Variants in UBR4 observed in about 807,000 individuals in gnomAD.
UBR4 encodes the protein E3 ubiquitin-protein ligase UBR4.
In UBR4, 124 loss-of-function variants were observed where a neutral mutation model predicts 575.6. The ratio of observed to expected loss-of-function variants is 0.22; its 90% CI spans 0.19 to 0.25. UBR4 has a LOEUF of 0.25. Among genes scored for constraint, UBR4 ranks in the 10% least tolerant of loss-of-function variants. The pLI is 1.00. For synonymous variants in UBR4, 2,455 were observed against 2,473.7 expected (o/e 0.99, Z 0.22); for missense variants, 4,818 against 6,478.8 (o/e 0.74, Z 8.80).
intron 36 of UBR4, 32 bp from the exon 37 acceptor site, chr1:19,161,768 A>G: frequency 6.2e-7 from 1 of 1,613,172 alleles, no homozygotes; most frequent in East Asian, 2.2e-5. Context: ...AAATAAGCTC[A>G]GAAGTCCCAA....
chr1:19,117,099 G>C lies in UBR4; in HGVS notation c.10823+122C>G, dbSNP rs931788028. On this transcript the variant is annotated intron_variant, in intron 73 of 105. Coordinates refer to ENST00000375254, the MANE Select transcript of UBR4 (RefSeq NM_020765.3). This position sits in a 1 kb window ranked among gnomAD's most constrained non-coding sequence, Gnocchi z 4.0. ...TTGTCCTTTGGTCATGAATGGAGGG[G>C]CCAAGAGGATGTATTAGGCCTCTAG... 23 of 1,044,486 alleles carry C rather than the reference G, an allele frequency of 2.2e-5. No individual in the cohort carries two copies. The highest frequency in any genetic ancestry group is 1.9e-4 in the African/African-American group (12 of 62,766). The allele number at this position is 1,044,486 out of a possible 1,614,324, so 64.7% of individuals were successfully genotyped here.
chr1:19,153,356 G>A lies in UBR4; in HGVS notation c.6777C>T (p.Pro2259=). The change falls in exon 46 of 106, where the codon CCC becomes CCT. Residue 2259 remains proline, a synonymous_variant. Coordinates refer to ENST00000375254, the MANE Select transcript of UBR4 (RefSeq NM_020765.3). The surrounding 1 kb of genome is among the most constrained non-coding windows in gnomAD (Gnocchi z 4.1). ...TSYWLQPSLQ[P]SSVISIMKPV... is the part of the protein sequence containing the mutation. ...GCTTCATGATGCTGATGACACTGCT[G>A]GGCTGCAGGGATGGCTGCAGCCAGT... is the stretch of plus-strand genomic sequence containing the variant. 6.2e-7 allele frequency: 1 copy of A among 1,614,182 alleles called. No individual in the cohort carries two copies. The highest frequency in any genetic ancestry group is 8.5e-7 in the Non-Finnish European group (1 of 1,180,022).
chr1:19,138,978 C>G, intron 59 of UBR4, 105 bp downstream of exon 59: 1 of 1,402,176 alleles, frequency 7.1e-7, no homozygotes, highest in South Asian at 1.6e-5. Flanking sequence ...CAATGAGTCT[C>G]TATACCTTTT....
rs2077865257 is a variant in UBR4, at chr1:19,094,779, A to T, written c.13746+127T>A. 7 of 1,321,400 alleles carry T rather than the reference A, an allele frequency of 5.3e-6. No homozygotes were observed. In the Admixed American group the frequency reaches 1.2e-4, roughly 22 times the overall value. The allele number at this position is 1,321,400 out of a possible 1,614,324, so 81.9% of individuals were successfully genotyped here. On this transcript the variant is annotated intron_variant, in intron 94 of 105. Coordinates refer to ENST00000375254, the MANE Select transcript of UBR4 (RefSeq NM_020765.3). ...ATGTCATCATTAGTTGAGTCCTAACATTCCAATGCTTAAGCAGGCTCCGCC... is the reference window on the plus strand; with the variant it reads ...ATGTCATCATTAGTTGAGTCCTAACTTTCCAATGCTTAAGCAGGCTCCGCC...
rs1377500173 is a variant in UBR4 at position 19,110,320 on chromosome 1, G to C, written c.11977+60C>G. 3 of 1,613,078 alleles carry C rather than the reference G, an allele frequency of 1.9e-6. No homozygotes were observed. In the Admixed American group the frequency reaches 5.0e-5, roughly 27 times the overall value. On this transcript the variant is annotated intron_variant, in intron 80 of 105. Transcript: ENST00000375254. This position sits in a 1 kb window ranked among gnomAD's most constrained non-coding sequence, Gnocchi z 4.5. ...CATCAGTTTCCCTCCTCCCCTCCCA[G>C]TCCGGCCAGGACTGCTCCTTTGAGC... is the stretch of plus-strand genomic sequence containing the variant.
intron 44 of UBR4, among the ~76,000 whole-genome samples, chr1:19,154,298 G>T (rs763529680): frequency 6.6e-5 from 10 of 152,128 alleles, no homozygotes; most frequent in Admixed American, 6.5e-5. Flanking sequence ...AGTGTGAACT[G>T]GTATCCATTT....
At chr1:19,163,615 A>T in intron 34 of UBR4, 149 bp downstream of exon 34, 1 of 909,720 alleles carries the variant, frequency 1.1e-6, no homozygotes, top group Non-Finnish European at 1.8e-6. Context: ...GTTAGCAACT[A>T]CATATTTCCA....
rs796277380 is a variant in UBR4, at chr1:19,131,261, A to T, written c.8907-2187T>A. Among the ~76,000 whole-genome samples, 831 of 150,692 alleles carry T rather than the reference A, an allele frequency of 5.5e-3. 16 individuals are homozygous for T. The highest frequency in any genetic ancestry group is 0.016 in the African/African-American group (666 of 41,286). Reference sequence around the variant, plus strand: ...TGAAACTTAAAAAAAAAAAAAAAAAAAAAAAAAATAAACACAGCACCAAAA... The same window carrying T: ...TGAAACTTAAAAAAAAAAAAAAAAATAAAAAAAATAAACACAGCACCAAAA... On this transcript the variant is annotated intron_variant, in intron 60 of 105. Transcript: ENST00000375254.
Position 19,088,866 on chromosome 1 carries a change from G to C in UBR4, c.14323C>G (p.Pro4775Ala), listed in dbSNP as rs2077258289. ...GCGTCAATCTTCTTGTTTACGTCAG[G>C]GTGTTCCCGCAGGGCTTCCAGCAGG... is the stretch of plus-strand genomic sequence containing the variant. ...ENLLEALREH[P>A]DVNKKIDAAR... is the part of the protein sequence containing the mutation. Residue 4775 changes from proline (P) to alanine (A), a missense_variant, in exon 98 of 106, where the codon CCT (proline) becomes GCT (alanine). This residue lies in a region of UBR4 where 196 missense variants were observed against 386.8 expected (regional missense o/e 0.51). Coordinates refer to ENST00000375254, the MANE Select transcript of UBR4 (RefSeq NM_020765.3). The surrounding 1 kb of genome is among the most constrained non-coding windows in gnomAD (Gnocchi z 4.0). 1 of 1,614,020 alleles carries C rather than the reference G, an allele frequency of 6.2e-7. No homozygotes were observed. Among genetic ancestry groups the C allele is most frequent in the Non-Finnish European group, 8.5e-7 (1 of 1,180,024 alleles).
intron 60 of UBR4, among the ~76,000 whole-genome samples, chr1:19,131,227 C>T (rs1452564205): frequency 8.0e-6 from 1 of 124,478 alleles, no homozygotes; most frequent in Non-Finnish European, 1.6e-5. Context: ...AACTCTTACA[C>T]AGTACTCTTG....
Position 19,169,495 on chromosome 1 carries a change from C to T in UBR4, c.3681G>A (p.Gln1227=). The T allele has an allele frequency of 6.2e-7, 1 of 1,613,990 alleles. No homozygotes were observed. Among genetic ancestry groups the T allele is most frequent in the Non-Finnish European group, 8.5e-7 (1 of 1,179,978 alleles). ...TGTTGTTCCAGGACTCACACACAGT[C>T]TGCACTGACGATGGCAAATTCTGAA... ...TLVQNLPSSV[Q]TVCESWNNIN... Residue 1227 remains glutamine (Q), a synonymous_variant, in exon 27 of 106, where the codon CAG becomes CAA. Transcript: ENST00000375254.
rs2077864927 is a variant in UBR4, at chr1:19,094,778, C to A, written c.13746+128G>T. 7 of 1,307,340 alleles carry A rather than the reference C, an allele frequency of 5.4e-6. No individual in the cohort carries two copies. The Admixed American group carries it at 1.2e-4, about 22-fold the overall frequency. The allele number at this position is 1,307,340 out of a possible 1,614,324, so 81.0% of individuals were successfully genotyped here. ...TATGTCATCATTAGTTGAGTCCTAA[C>A]ATTCCAATGCTTAAGCAGGCTCCGC... On this transcript the variant is annotated intron_variant, in intron 94 of 105. Transcript: ENST00000375254.
In UBR4 at chr1:19,146,911, T is replaced by C. The variant is rs750299347; in HGVS notation, c.7719A>G (p.Leu2573=). The change falls in exon 52 of 106, where the codon CTA becomes CTG. Residue 2573 remains leucine (L), a synonymous_variant. Coordinates refer to ENST00000375254, the MANE Select transcript of UBR4 (RefSeq NM_020765.3). ...KDLDPEVFQR[L]VITARSIAIM... ...TGGCAATGGAGCGAGCTGTGATCAC[T>C]AGCCTCTGGAACACCTCAGGGTCCA... 1.2e-6 allele frequency: 2 copies of C among 1,614,166 alleles called. No homozygotes were observed. Among genetic ancestry groups the C allele is most frequent in the East Asian group, 2.2e-5 (1 of 44,874 alleles).
At chr1:19,184,340 A>AT (rs2091316521) in intron 15 of UBR4, among the ~76,000 whole-genome samples, 165 bp from the exon 16 acceptor site, 1 of 152,246 alleles carries the variant, frequency 6.6e-6, no homozygotes, top group African/African-American at 2.4e-5. Flanking sequence ...CCTAAGTTTC[A>AT]TTATGAGTCT....
chr1:19,097,499 A>T (rs1341169740), intron 90 of UBR4, among the ~76,000 whole-genome samples: 1 of 152,250 alleles, frequency 6.6e-6, no homozygotes, highest in African/African-American at 2.4e-5. Context: ...CATTGTATGA[A>T]ACATTTTAAA....
At chr1:19,160,310 GA>G (rs61579638) in intron 38 of UBR4, 29 bp from the exon 39 acceptor site, 192,983 of 979,130 alleles carry the variant, frequency 0.2, 553 homozygotes, top group East Asian at 0.27. Flanking sequence ...ATACACCAGT[GA>G]AAAAAAAAAA....
chr1:19,187,073 G>T, intron 13 of UBR4, 91 bp downstream of exon 13: 1 of 842,162 alleles, frequency 1.2e-6, no homozygotes, highest in Non-Finnish European at 1.4e-6. Flanking sequence ...TTTCAAGAAA[G>T]TTTTATATAT....
chr1:19,138,009 G>A lies in UBR4; in HGVS notation c.8904C>T (p.Asn2968=). The A allele has an allele frequency of 1.9e-6, 3 of 1,539,594 alleles. No individual in the cohort carries two copies. Among genetic ancestry groups the A allele is most frequent in the Non-Finnish European group, 1.8e-6 (2 of 1,135,904 alleles). Residue 2968 remains asparagine (N), a splice_region_variant and synonymous_variant, in exon 60 of 106, where the codon AAC becomes AAT. Coordinates refer to ENST00000375254, the MANE Select transcript of UBR4 (RefSeq NM_020765.3). ...ACTGTGAAGGACTAGGTCTTGACCT[G>A]TTGCTAGTGTGGACATCTCCTTCAG... ...GETEGDVHTS[N]RLHMVRLMLL...
At position 19,210,127 on chromosome 1, in the gene UBR4, T is replaced by G. The variant is rs751559814; in HGVS notation, c.122A>C (p.Tyr41Ser). ...CAACTCCTTCATCTCGAAGGCGGAG[T>G]AGGACGCGGACAGCAGGGGCCGCAC... ...VAVRPLLSAS[Y>S]SAFEMKELPQ... Residue 41 changes from tyrosine to serine, a missense_variant, in exon 1 of 106, where the codon TAC becomes TCC. Around this residue, in one of 29 missense-constraint regions of UBR4, gnomAD observed 95 missense variants for 87.7 expected, o/e 1.08. Coordinates refer to ENST00000375254, the MANE Select transcript of UBR4 (RefSeq NM_020765.3). 6.3e-7 allele frequency: 1 copy of G among 1,585,738 alleles called. No homozygotes were observed. Among genetic ancestry groups the G allele is most frequent in the Non-Finnish European group, 8.6e-7 (1 of 1,168,872 alleles).
Sources: allele counts gnomAD v4.1 joint callset (sites outside exome capture counted in the v4.1 genomes callset), GRCh38; gene constraint gnomAD v4.1.1; regional missense constraint gnomAD v4.1.1; non-coding constraint Gnocchi (gnomAD v3.1); transcripts MANE v1.5; gene names NCBI Gene and HGNC (gene_info 2026-07-23, HGNC 2026-07-21).